Variants in ASCC3 observed in about 807,000 individuals in gnomAD.
ASCC3 encodes the protein activating signal cointegrator 1 complex subunit 3, also known as ASC-1 complex subunit P200.
A neutral mutation model predicts 256.3 loss-of-function variants in ASCC3; 158 were observed. The observed-to-expected ratio is 0.62, with a 90% CI of 0.54 to 0.70. The LOEUF (loss-of-function observed/expected upper bound fraction) is 0.70, where lower values mean the gene tolerates loss of function less well. ASCC3 is among the 30% of genes least tolerant of loss of function. The pLI is 0.00. For synonymous variants in ASCC3, 948 were observed against 883.4 expected (o/e 1.07, Z -1.30); for missense variants, 2,259 against 2,626.0 (o/e 0.86, Z 3.05).
rs537347029 is a variant in ASCC3, at chr6:100,697,257, T to C, written c.2152-17505A>G. On this transcript the variant is annotated intron_variant, in intron 13 of 41. Coordinates refer to ENST00000369162, the MANE Select transcript of ASCC3 (RefSeq NM_006828.4). ...GCTATGGTAAAAAAAAAATAGTACC[T>C]AGTTAACAAGGCAAAGCAACTTGTA... Among the ~76,000 whole-genome samples the C allele has an allele frequency of 2.6e-5, 4 of 152,074 alleles. No individual in the cohort carries two copies. The South Asian group carries it at 8.3e-4, about 32-fold the overall frequency.
chr6:100,745,577 T>C (rs1046174864), intron 10 of ASCC3, among the ~76,000 whole-genome samples: 1 of 152,080 alleles, frequency 6.6e-6, no homozygotes. Flanking sequence ...TCCTGTTCTG[T>C]ATTGCCATCA....
intron 4 of ASCC3, among the ~76,000 whole-genome samples, chr6:100,826,523 T>C (rs1771318381): frequency 6.6e-6 from 1 of 152,208 alleles, no homozygotes; most frequent in African/African-American, 2.4e-5. Flanking sequence ...TTTGGAAGCT[T>C]TCTAAGTCCA....
In ASCC3 at chr6:100,767,361, A is replaced by G; in HGVS notation, c.1396-16T>C. ...GCTGTCCGATCTAAAAAAAAAAGGC[A>G]TCACCCATTATAAATAGTAACAATG... On this transcript the variant is annotated splice_polypyrimidine_tract_variant and intron_variant, in intron 8 of 41. Coordinates refer to ENST00000369162, the MANE Select transcript of ASCC3 (RefSeq NM_006828.4). The G allele has an allele frequency of 6.2e-7, 1 of 1,604,868 alleles. No homozygotes were observed.
chr6:100,609,165 C>T (rs1044009353), intron 30 of ASCC3, among the ~76,000 whole-genome samples: 4 of 151,818 alleles, frequency 2.6e-5, no homozygotes, highest in African/African-American at 9.7e-5. Flanking sequence ...TGTTTTGTTG[C>T]TTAGAAAACT....
chr6:100,855,924 A>C (rs1772921896), intron 3 of ASCC3, among the ~76,000 whole-genome samples: 1 of 152,222 alleles, frequency 6.6e-6, no homozygotes, highest in Admixed American at 6.5e-5. Flanking sequence ...CTAGTAACTG[A>C]CAGAACTGAA....
chr6:100,556,056 A>G (rs1447275522), intron 36 of ASCC3, among the ~76,000 whole-genome samples: 1 of 152,186 alleles, frequency 6.6e-6, no homozygotes, highest in East Asian at 1.9e-4. Context: ...TACCTTTAAA[A>G]CCATATATAT....
In ASCC3 at chr6:100,744,671, T is replaced by C. The variant is rs537448225; in HGVS notation, c.1738-18968A>G. On this transcript the variant is annotated intron_variant, in intron 10 of 41. Transcript: ENST00000369162. Reference sequence around the variant, plus strand: ...AGAGTTTTTACTAGCTATTATATACTATTTATTTTGTGGTATGTACTTTTA... The same window carrying C: ...AGAGTTTTTACTAGCTATTATATACCATTTATTTTGTGGTATGTACTTTTA... 1.3e-4 allele frequency among the ~76,000 whole-genome samples: 20 copies of C among 152,178 alleles called. No individual in the cohort carries two copies. The East Asian group carries it at 4.0e-3, about 30-fold the overall frequency.
At chr6:100,599,031 T>C (rs1772456573) in intron 34 of ASCC3, among the ~76,000 whole-genome samples, 1 of 152,160 alleles carries the variant, frequency 6.6e-6, no homozygotes, top group Admixed American at 6.5e-5. Flanking sequence ...GAAAGATTTT[T>C]AGAGTTACAT....
chr6:100,865,110 G>T (rs1006543844), intron 2 of ASCC3, among the ~76,000 whole-genome samples: 2 of 152,120 alleles, frequency 1.3e-5, no homozygotes, highest in East Asian at 1.9e-4. Context: ...CTGAGTTTAG[G>T]GGGAGGAGAA....
chr6:100,732,252 G>A (rs12206838), intron 10 of ASCC3, among the ~76,000 whole-genome samples: 73,282 of 151,428 alleles, frequency 0.48, 17,766 homozygotes, highest in South Asian at 0.68. Context: ...AATGTATTCT[G>A]CAGTTCTCCA....
intron 37 of ASCC3, among the ~76,000 whole-genome samples, chr6:100,537,353 A>G (rs1173738687): frequency 6.6e-6 from 1 of 152,142 alleles, no homozygotes; most frequent in African/African-American, 2.4e-5. Context: ...CCATAAAATA[A>G]CTGCTTGGTA....
At chr6:100,557,757 A>G (rs1582444288) in intron 36 of ASCC3, among the ~76,000 whole-genome samples, 1 of 152,148 alleles carries the variant, frequency 6.6e-6, no homozygotes, top group Non-Finnish European at 1.5e-5. Flanking sequence ...ACAAAAAAAT[A>G]GTTAGAAAGA....
intron 20 of ASCC3, among the ~76,000 whole-genome samples, chr6:100,649,856 GA>G (rs1775570112): frequency 6.6e-6 from 1 of 151,606 alleles, no homozygotes; most frequent in South Asian, 2.1e-4. Context: ...TCTTTCATTT[GA>G]AGGATAAATA....
intron 12 of ASCC3, among the ~76,000 whole-genome samples, chr6:100,716,039 T>C (rs11155606): frequency 0.44 from 66,416 of 151,426 alleles, 14,789 homozygotes; most frequent in South Asian, 0.6. Flanking sequence ...GAGAGGTTGC[T>C]ATTCAGAATG....
chr6:100,603,326 A>G (rs1162769667), intron 33 of ASCC3, among the ~76,000 whole-genome samples: 1 of 152,152 alleles, frequency 6.6e-6, no homozygotes, highest in Non-Finnish European at 1.5e-5. Flanking sequence ...AATTATTACA[A>G]TGTGAACACA....
intron 10 of ASCC3, among the ~76,000 whole-genome samples, chr6:100,756,932 T>C (rs1207665638): frequency 1.3e-5 from 2 of 152,084 alleles, no homozygotes; most frequent in Non-Finnish European, 2.9e-5. Flanking sequence ...TATGACGAAA[T>C]ACATTTTTGA....
intron 36 of ASCC3, among the ~76,000 whole-genome samples, chr6:100,561,931 G>T (rs1769976098): frequency 6.6e-6 from 1 of 152,042 alleles, no homozygotes; most frequent in Non-Finnish European, 1.5e-5. Flanking sequence ...CAGTGCTTCT[G>T]GCAAATTGCA....
intron 10 of ASCC3, among the ~76,000 whole-genome samples, chr6:100,748,015 A>G (rs1032614406): frequency 1.3e-5 from 2 of 152,028 alleles, no homozygotes; most frequent in African/African-American, 4.8e-5. Context: ...TCTTATTTAG[A>G]AAAAGGATAA....
At chr6:100,870,024 G>C (rs1431868179) in intron 1 of ASCC3, among the ~76,000 whole-genome samples, 1 of 152,086 alleles carries the variant, frequency 6.6e-6, no homozygotes, top group Non-Finnish European at 1.5e-5. Context: ...ACCTCAAGGA[G>C]AAAGTGACAA....
Sources: gnomAD v4.1 joint callset for allele counts (sites outside exome capture counted in the v4.1 genomes callset) on GRCh38, gnomAD v4.1.1 for gene constraint, MANE v1.5 for transcripts, NCBI Gene and HGNC (gene_info 2026-07-23, HGNC 2026-07-21) for gene names.